AFG1L: variants seen among roughly 807,000 people sequenced by gnomAD.
AFG1L encodes the protein AFG1-like ATPase.
AFG1L carries 53 observed loss-of-function variants against 62.2 expected under a neutral mutation model. That is an observed-to-expected ratio of 0.85 (90% confidence interval 0.68 to 1.07). The LOEUF is 1.07. Among genes scored for constraint, AFG1L ranks in the 50% least tolerant of loss-of-function variants. The pLI is 0.00. For missense variants in AFG1L, 555 were observed against 590.5 expected, an observed-to-expected ratio of 0.94 and a Z score of 0.62; for synonymous variants, 228 against 210.3, an observed-to-expected ratio of 1.08 and a Z score of -0.73.
intron 6 of AFG1L, among the ~76,000 whole-genome samples, chr6:108,369,362 G>C (rs1537861): frequency 0.93 from 141,578 of 152,226 alleles, 65,904 homozygotes; most frequent in Non-Finnish European, 0.97. Context: ...AAAAACAAAT[G>C]ACATGGATAG....
At chr6:108,507,627 G>T in intron 10 of AFG1L, among the ~76,000 whole-genome samples, 1 of 152,138 alleles carries the variant, frequency 6.6e-6, no homozygotes, top group East Asian at 1.9e-4. Context: ...TGCATAACGA[G>T]TGAGCTTAAT....
intron 11 of AFG1L, among the ~76,000 whole-genome samples, chr6:108,516,811 A>G (rs1343923515): frequency 6.6e-6 from 1 of 152,208 alleles, no homozygotes; most frequent in Non-Finnish European, 1.5e-5. Context: ...AAGTCTCAGG[A>G]TACAAAATCA....
chr6:108,355,129 G>A (rs957265728), intron 3 of AFG1L, among the ~76,000 whole-genome samples: 4 of 143,510 alleles, frequency 2.8e-5, no homozygotes, highest in Non-Finnish European at 4.5e-5. Context: ...GTTTTGAGAT[G>A]GGGGTCTCGC....
chr6:108,381,623 C>G (rs1033643815), intron 6 of AFG1L, among the ~76,000 whole-genome samples: 3 of 151,942 alleles, frequency 2.0e-5, no homozygotes, highest in Admixed American at 1.3e-4. Flanking sequence ...TAGCTAGAAA[C>G]AAAAATCCAT....
chr6:108,467,596 T>G (rs1043142160), intron 8 of AFG1L, among the ~76,000 whole-genome samples: 1 of 152,258 alleles, frequency 6.6e-6, no homozygotes, highest in African/African-American at 2.4e-5. Context: ...AATGGTCTTA[T>G]GTTTTCCACT....
Position 108,400,298 on chromosome 6 carries a change from C to T in AFG1L, c.749-1698C>T, listed in dbSNP as rs370459702. On this transcript the variant is annotated intron_variant, in intron 6 of 12. Transcript: ENST00000368977. ...TAAGAGAAAAGGCTTTCAGTTTTCC[C>T]CCATTTCGTATGATACTAGCTGTGG... is the stretch of plus-strand genomic sequence containing the variant. Among the ~76,000 whole-genome samples, 10 of 151,772 alleles carry T rather than the reference C, an allele frequency of 6.6e-5. 1 individual carries two copies. In the East Asian group the frequency reaches 1.5e-3, roughly 24 times the overall value.
intron 6 of AFG1L, among the ~76,000 whole-genome samples, chr6:108,379,154 G>A (rs1344859290): frequency 1.3e-5 from 2 of 151,904 alleles, no homozygotes; most frequent in African/African-American, 4.8e-5. Context: ...GGGATTGCAG[G>A]CACCCACTAC....
intron 5 of AFG1L, chr6:108,358,950 G>A (rs1779410457): frequency 6.6e-6 from 1 of 152,230 alleles, no homozygotes; most frequent in Non-Finnish European, 1.5e-5. Context: ...AGAGCAAGCA[G>A]GGCAACTTGC....
chr6:108,481,789 C>T (rs973304286), intron 10 of AFG1L, among the ~76,000 whole-genome samples: 3 of 152,146 alleles, frequency 2.0e-5, no homozygotes, highest in Admixed American at 6.6e-5. Context: ...AGCACTTGTA[C>T]GGTTGTTAGA....
intron 5 of AFG1L, among the ~76,000 whole-genome samples, chr6:108,363,463 G>GT (rs1257632727): frequency 4.6e-5 from 7 of 151,252 alleles, no homozygotes; most frequent in East Asian, 3.9e-4. Context: ...TGTTTGGATA[G>GT]TTTTTTTTTG....
In AFG1L at chr6:108,346,502, A is replaced by T. The variant is rs1213483867; in HGVS notation, c.364-486A>T. ...AACTTCAGCCCCCTGAGTAACTGGG[A>T]CCACAGGCGCATGCCACCATGCCTG... On this transcript the variant is annotated intron_variant, in intron 2 of 12. Coordinates refer to ENST00000368977, the MANE Select transcript of AFG1L (RefSeq NM_145315.5). 2.0e-5 allele frequency among the ~76,000 whole-genome samples: 3 copies of T among 152,098 alleles called. No individual in the cohort carries two copies. The East Asian group carries it at 5.8e-4, about 29-fold the overall frequency.
At chr6:108,341,037 G>A (rs938030891) in intron 2 of AFG1L, among the ~76,000 whole-genome samples, 75 of 152,244 alleles carry the variant, frequency 4.9e-4, no homozygotes, top group Non-Finnish European at 1.2e-4. Context: ...TTGACAATAT[G>A]GAGGGCCCAG....
intron 10 of AFG1L, among the ~76,000 whole-genome samples, chr6:108,497,265 C>A (rs1376626111): frequency 1.3e-5 from 2 of 152,008 alleles, no homozygotes; most frequent in African/African-American, 4.8e-5. Flanking sequence ...TTTTTCTTTG[C>A]CAAATTGCTA....
At chr6:108,355,788 A>G in intron 4 of AFG1L, 33 bp downstream of exon 4, 4 of 1,437,782 alleles carry the variant, frequency 2.8e-6, no homozygotes, top group Non-Finnish European at 3.9e-6. Flanking sequence ...TGATTTTTTC[A>G]GTGGGGAAAC....
At chr6:108,382,359 A>AT (rs1780586935) in intron 6 of AFG1L, among the ~76,000 whole-genome samples, 1 of 152,096 alleles carries the variant, frequency 6.6e-6, no homozygotes, top group African/African-American at 2.4e-5. Flanking sequence ...AAATAATACT[A>AT]TTTTTCTTAG....
chr6:108,391,291 T>A (rs1781047411), intron 6 of AFG1L, among the ~76,000 whole-genome samples: 2 of 152,174 alleles, frequency 1.3e-5, no homozygotes, highest in South Asian at 4.1e-4. Flanking sequence ...CACCAACATC[T>A]ATTATTTTTT....
chr6:108,401,359 G>C (rs1478834818), intron 6 of AFG1L, among the ~76,000 whole-genome samples: 1 of 151,238 alleles, frequency 6.6e-6, no homozygotes, highest in Non-Finnish European at 1.5e-5. Context: ...AGCCAGGATG[G>C]TCTCGATCTC....
At position 108,519,911 on chromosome 6, in the gene AFG1L, A is replaced by C. The variant is rs79413497; in HGVS notation, c.1317+101A>C. The C allele has an allele frequency of 7.9e-3, 4,985 of 634,088 alleles. 196 individuals are homozygous for C. The African/African-American group carries it at 0.082, about 10-fold the overall frequency. The allele number at this position is 634,088 out of a possible 1,614,324, so 39.3% of individuals were successfully genotyped here. On this transcript the variant is annotated intron_variant, in intron 12 of 12. Transcript: ENST00000368977. ...TGAAGAAGAAATGCAGTGTATAGTT[A>C]ACCATTGATTGGCGCTTCTTCTATA...
At chr6:108,421,301 A>G (rs1770578117) in intron 7 of AFG1L, among the ~76,000 whole-genome samples, 1 of 152,134 alleles carries the variant, frequency 6.6e-6, no homozygotes, top group Admixed American at 6.6e-5. Flanking sequence ...TGAACTCTAT[A>G]TTGAGGAAAC....
Sources: gnomAD v4.1 joint callset for allele counts (sites outside exome capture counted in the v4.1 genomes callset) on GRCh38, gnomAD v4.1.1 for gene constraint, MANE v1.5 for transcripts, NCBI Gene and HGNC (gene_info 2026-07-23, HGNC 2026-07-21) for gene names.